The following ELP4 variants were observed in gnomAD, a reference collection of about 807,000 sequenced individuals.
The protein encoded by ELP4 is elongator acetyltransferase complex subunit 4, also known as elongator complex protein 4.
In ELP4, 51 loss-of-function variants were observed where a neutral mutation model predicts 48.9. That is an observed-to-expected ratio of 1.04 (90% CI 0.83 to 1.32). The LOEUF (loss-of-function observed/expected upper bound fraction) is 1.32. ELP4 is among the 40% of genes most tolerant of loss of function. The pLI, the probability that ELP4 is intolerant of heterozygous loss-of-function variation, is 0.00. For missense variants in ELP4, 519 were observed against 514.6 expected, an observed-to-expected ratio of 1.01 and a Z score of -0.08; for synonymous variants, 210 against 189.2, an observed-to-expected ratio of 1.11 and a Z score of -0.90.
At chr11:31,685,122 G>A (rs1343395004) in intron 9 of ELP4, among the ~76,000 whole-genome samples, 1 of 151,854 alleles carries the variant, frequency 6.6e-6, no homozygotes, top group East Asian at 2.0e-4. Flanking sequence ...GGAGGCCAAG[G>A]CGGGTGGATC....
At chr11:31,741,988 A>G (rs1042627230) in intron 9 of ELP4, among the ~76,000 whole-genome samples, 2 of 152,186 alleles carry the variant, frequency 1.3e-5, no homozygotes, top group African/African-American at 4.8e-5. Context: ...AAAGAAGTTA[A>G]AAGCTTTGAA....
At chr11:31,681,885 C>G (rs758123006) in intron 9 of ELP4, 1 of 276,430 alleles carries the variant, frequency 3.6e-6, no homozygotes, top group Non-Finnish European at 7.2e-6. Flanking sequence ...GGATTACAGG[C>G]GCCCACCACC....
At chr11:31,631,205 T>C (rs746848485) in intron 6 of ELP4, among the ~76,000 whole-genome samples, 4 of 152,192 alleles carry the variant, frequency 2.6e-5, no homozygotes, top group Non-Finnish European at 4.4e-5. Flanking sequence ...GAAATAGATA[T>C]ATTGTGTTAG....
In ELP4 at chr11:31,581,503, T is replaced by C. The variant is rs1349463763; in HGVS notation, c.382-13267T>C. Among the ~76,000 whole-genome samples the C allele has an allele frequency of 2.0e-5, 3 of 150,094 alleles. No homozygotes were observed. The South Asian group carries it at 6.3e-4, about 32-fold the overall frequency. On this transcript the variant is annotated intron_variant, in intron 3 of 9. Transcript: ENST00000640961. ...ATAACTTTGTCTCAGAGCAGTCCAT[T>C]GTTGCTGTTATAAAGTTTGATGCCA...
At chr11:31,621,153 A>G (rs535704392) in intron 5 of ELP4, among the ~76,000 whole-genome samples, 4 of 152,106 alleles carry the variant, frequency 2.6e-5, no homozygotes, top group Admixed American at 2.6e-4. Flanking sequence ...CTACTGCCTT[A>G]CAAGGGTATC....
chr11:31,568,659 A>T (rs1245668598), intron 3 of ELP4, among the ~76,000 whole-genome samples: 2 of 152,346 alleles, frequency 1.3e-5, no homozygotes, highest in Non-Finnish European at 1.5e-5. Flanking sequence ...GACAAAGTAG[A>T]CAAAAGTAAG....
At chr11:31,608,530 A>G (rs540161467) in intron 5 of ELP4, among the ~76,000 whole-genome samples, 2 of 139,848 alleles carry the variant, frequency 1.4e-5, no homozygotes, top group Admixed American at 1.4e-4. Flanking sequence ...GTGAGCAGCT[A>G]TGGAAGGGGT....
intron 5 of ELP4, among the ~76,000 whole-genome samples, chr11:31,621,870 G>C (rs886641950): frequency 6.6e-6 from 1 of 151,806 alleles, no homozygotes; most frequent in African/African-American, 2.4e-5. Flanking sequence ...CTTTATCTTA[G>C]TATAGCCAAA....
chr11:31,642,328 G>T (rs1226363032), intron 7 of ELP4, among the ~76,000 whole-genome samples: 1 of 151,660 alleles, frequency 6.6e-6, no homozygotes, highest in African/African-American at 2.4e-5. Context: ...AAAACAATGT[G>T]TTCTTAAAAA....
At chr11:31,622,712 A>G (rs1410172285) in intron 5 of ELP4, among the ~76,000 whole-genome samples, 2 of 151,690 alleles carry the variant, frequency 1.3e-5, no homozygotes, top group East Asian at 3.9e-4. Flanking sequence ...ATTGATAAGC[A>G]TGAGTTTAAT....
At chr11:31,747,399 C>T (rs1237416306) in intron 9 of ELP4, among the ~76,000 whole-genome samples, 1 of 151,716 alleles carries the variant, frequency 6.6e-6, no homozygotes, top group Admixed American at 6.6e-5. Context: ...GACTATAGAA[C>T]CATAAAGTGT....
chr11:31,638,326 A>G (rs1423192328), intron 7 of ELP4, among the ~76,000 whole-genome samples: 1 of 151,884 alleles, frequency 6.6e-6, no homozygotes, highest in Non-Finnish European at 1.5e-5. Context: ...TAAACTATTT[A>G]GCTTTCCTTT....
intron 3 of ELP4, among the ~76,000 whole-genome samples, chr11:31,584,349 A>T (rs11031419): frequency 0.041 from 6,265 of 152,114 alleles, 195 homozygotes; most frequent in East Asian, 0.18. Flanking sequence ...TACAAGTTTT[A>T]TTCTGCTCCC....
At chr11:31,692,524 T>C (rs1266492631) in intron 9 of ELP4, among the ~76,000 whole-genome samples, 1 of 152,168 alleles carries the variant, frequency 6.6e-6, no homozygotes, top group Non-Finnish European at 1.5e-5. Context: ...ATTTTTCATT[T>C]GCAAGGGCAC....
chr11:31,740,826 G>C (rs1238944399), intron 9 of ELP4, among the ~76,000 whole-genome samples: 1 of 152,234 alleles, frequency 6.6e-6, no homozygotes, highest in African/African-American at 2.4e-5. Context: ...TGCAGAAGAC[G>C]GGTGATTTCT....
At chr11:31,644,347 T>A (rs1044104802) in intron 7 of ELP4, among the ~76,000 whole-genome samples, 1 of 151,864 alleles carries the variant, frequency 6.6e-6, no homozygotes, top group African/African-American at 2.4e-5. Flanking sequence ...AAGATTATGT[T>A]CAAATTTAAG....
At chr11:31,656,504 A>C (rs1202664650) in intron 9 of ELP4, among the ~76,000 whole-genome samples, 1 of 152,052 alleles carries the variant, frequency 6.6e-6, no homozygotes, top group Non-Finnish European at 1.5e-5. Flanking sequence ...ATATAATTAA[A>C]ATATGACACC....
At chr11:31,667,493 G>A (rs556342708) in intron 9 of ELP4, among the ~76,000 whole-genome samples, 4 of 152,212 alleles carry the variant, frequency 2.6e-5, no homozygotes, top group African/African-American at 9.6e-5. Context: ...ATTTTTGGAT[G>A]TAACATAATT....
At chr11:31,522,020 A>T (rs1000866070) in intron 2 of ELP4, among the ~76,000 whole-genome samples, 5 of 152,166 alleles carry the variant, frequency 3.3e-5, no homozygotes, top group African/African-American at 1.2e-4. Context: ...GTGCCTGAGT[A>T]TCCAGATAGT....
Sources: gnomAD v4.1 joint callset for allele counts (sites outside exome capture counted in the v4.1 genomes callset) on GRCh38, gnomAD v4.1.1 for gene constraint, MANE v1.5 for transcripts, NCBI Gene and HGNC (gene_info 2026-07-23, HGNC 2026-07-21) for gene names.